ALCAM: variants seen among roughly 807,000 people sequenced by gnomAD.
ALCAM encodes activated leukocyte cell adhesion molecule, also known as CD166 antigen.
In ALCAM, 30 loss-of-function variants were observed where a neutral mutation model predicts 70.9. That is an observed-to-expected ratio of 0.42 (90% CI 0.32 to 0.57). ALCAM has a LOEUF of 0.57. ALCAM is among the 20% of genes least tolerant of loss of function. The pLI, the probability that ALCAM is intolerant of heterozygous loss-of-function variation, is 0.11. For synonymous variants in ALCAM, 249 were observed against 242.5 expected, an observed-to-expected ratio of 1.03 and a Z score of -0.25; for missense variants, 591 against 695.1, an observed-to-expected ratio of 0.85 and a Z score of 1.68.
At chr3:105,461,454 G>A (rs541829521) in intron 1 of ALCAM, among the ~76,000 whole-genome samples, 1 of 151,776 alleles carries the variant, frequency 6.6e-6, no homozygotes, top group Non-Finnish European at 1.5e-5. Context: ...AGAAATTGAA[G>A]AGTGGTCTAA....
chr3:105,376,582 C>T (rs1935384424), intron 1 of ALCAM, among the ~76,000 whole-genome samples: 1 of 152,208 alleles, frequency 6.6e-6, no homozygotes, highest in Non-Finnish European at 1.5e-5. Flanking sequence ...AAGATCCTAT[C>T]ACTCAAAGAT....
At chr3:105,486,344 T>C (rs1196407872) in intron 1 of ALCAM, among the ~76,000 whole-genome samples, 1 of 152,150 alleles carries the variant, frequency 6.6e-6, no homozygotes, top group African/African-American at 2.4e-5. Flanking sequence ...TGAGGTGTTG[T>C]AGCACTTACT....
intron 1 of ALCAM, among the ~76,000 whole-genome samples, chr3:105,504,777 G>T (rs886328392): frequency 1.3e-5 from 2 of 152,190 alleles, no homozygotes; most frequent in Admixed American, 6.5e-5. Flanking sequence ...CAACATTTGG[G>T]CAGGAAAACA....
intron 1 of ALCAM, among the ~76,000 whole-genome samples, chr3:105,411,463 G>A (rs1936389450): frequency 1.3e-5 from 2 of 152,030 alleles, no homozygotes; most frequent in African/African-American, 4.8e-5. Context: ...AGCAGCAGCT[G>A]GGATAATAGG....
chr3:105,437,308 T>C (rs1243437626), intron 1 of ALCAM, among the ~76,000 whole-genome samples: 1 of 152,238 alleles, frequency 6.6e-6, no homozygotes, highest in Non-Finnish European at 1.5e-5. Context: ...TGTAATTATA[T>C]ATTTTTAAAC....
At chr3:105,521,518 G>T (rs962460966) in intron 2 of ALCAM, among the ~76,000 whole-genome samples, 1 of 152,094 alleles carries the variant, frequency 6.6e-6, no homozygotes, top group South Asian at 2.1e-4. Context: ...TCAAGGGGTG[G>T]TTTAACACAG....
Position 105,367,495 on chromosome 3 carries a change from T to C in ALCAM, c.73+14T>C. 1 of 1,613,980 alleles carries C rather than the reference T, an allele frequency of 6.2e-7. No individual in the cohort carries two copies. The highest frequency in any genetic ancestry group is 1.3e-5 in the African/African-American group (1 of 75,046). On this transcript the variant is annotated intron_variant, in intron 1 of 15. Coordinates refer to ENST00000306107, the MANE Select transcript of ALCAM (RefSeq NM_001627.4). ...TCTTCAGGCCAGGTGAGCAAGGGCC[T>C]GGGAGCAGCCCCAGACAGACGTGGG...
chr3:105,540,038 A>G lies in ALCAM; in HGVS notation c.794A>G (p.Asn265Ser), dbSNP rs374882622. Residue 265 changes from asparagine to serine, a missense_variant, in exon 7 of 16, where the codon AAC (asparagine) becomes AGC (serine). Physicochemically the swap from Asn to Ser is conservative, Grantham distance 46. This residue lies in a region of ALCAM where 427 missense variants were observed against 450.4 expected (regional missense o/e 0.95). Transcript: ENST00000306107. ...AAAAATGCCATCAAAGAAGGGGATA[A>G]CATCACTCTTAAATGCTTAGGGAAT... is the stretch of plus-strand genomic sequence containing the variant. ...PPKNAIKEGDNITLKCLGNGN... is the reference protein window; with the variant it reads ...PPKNAIKEGDSITLKCLGNGN... 7.4e-6 allele frequency: 12 copies of G among 1,612,562 alleles called. No homozygotes were observed. The African/African-American group carries it at 1.3e-4, about 18-fold the overall frequency.
At chr3:105,407,354 T>C (rs139046417) in intron 1 of ALCAM, among the ~76,000 whole-genome samples, 1 of 151,676 alleles carries the variant, frequency 6.6e-6, no homozygotes, top group East Asian at 1.9e-4. Context: ...CAACAGCATA[T>C]CAAAAAGATA....
At chr3:105,462,514 G>A (rs1937618217) in intron 1 of ALCAM, among the ~76,000 whole-genome samples, 1 of 151,308 alleles carries the variant, frequency 6.6e-6, no homozygotes, top group African/African-American at 2.4e-5. Context: ...TGACAGTCTG[G>A]TTTACAATTG....
chr3:105,494,711 A>ATGTAACGTCACGATCATAGCCTACGAC (rs1938688306), intron 1 of ALCAM, among the ~76,000 whole-genome samples: 1 of 149,636 alleles, frequency 6.7e-6, no homozygotes, highest in Non-Finnish European at 1.5e-5. Context: ...CCAGGCTGGA[A>ATGTAACGTCACGATCATAGCCTACGAC]TGTAACGTCA....
At chr3:105,368,223 A>AAGAGAGAGAGAGAGAGAGATAGAGAG (rs1935123537) in intron 1 of ALCAM, among the ~76,000 whole-genome samples, 1 of 67,790 alleles carries the variant, frequency 1.5e-5, no homozygotes, top group Non-Finnish European at 2.8e-5. Context: ...TGAGTCTTGG[A>AAGAGAGAGAGAGAGAGAGATAGAGAG]AGAGAGAGAG....
intron 1 of ALCAM, among the ~76,000 whole-genome samples, chr3:105,368,989 C>G (rs1935155633): frequency 6.6e-6 from 1 of 152,094 alleles, no homozygotes; most frequent in Non-Finnish European, 1.5e-5. Flanking sequence ...AAGGCGAGAC[C>G]CCCTTGGGCC....
At chr3:105,568,026 CTTTTA>C (rs1045603589) in intron 14 of ALCAM, among the ~76,000 whole-genome samples, 14 of 146,066 alleles carry the variant, frequency 9.6e-5, no homozygotes, top group Non-Finnish European at 1.7e-4. Flanking sequence ...ATGTCTAGTT[CTTTTA>C]TTTTATTTTT....
intron 3 of ALCAM, 114 bp downstream of exon 3, chr3:105,524,622 T>C: frequency 6.8e-7 from 1 of 1,474,692 alleles, no homozygotes; most frequent in Admixed American, 2.5e-5. Context: ...GGTATCTATA[T>C]AAGGGGACTT....
At chr3:105,527,915 C>T (rs759172180) in intron 3 of ALCAM, among the ~76,000 whole-genome samples, 16 of 150,706 alleles carry the variant, frequency 1.1e-4, no homozygotes, top group Admixed American at 2.6e-4. Flanking sequence ...TTTTGGGGGG[C>T]ATTGAGGGGG....
chr3:105,366,919 G>A lies in ALCAM; in HGVS notation c.-490G>A, dbSNP rs1559766187. 1 of 161,374 alleles carries A rather than the reference G, an allele frequency of 6.2e-6. No homozygotes were observed. 10.0% of individuals were successfully genotyped at this position (161,374 alleles called of 1,614,324 possible). A position where few individuals can be genotyped will look rare whatever the true frequency, so the allele number is the denominator to read the frequency against. On this transcript the variant is annotated 5_prime_UTR_variant, in exon 1 of 16. Coordinates refer to ENST00000306107, the MANE Select transcript of ALCAM (RefSeq NM_001627.4). The stretch of plus-strand genomic sequence containing the variant: ...CCAGTCCCTCTACTCAGAGCAGCCC[G>A]GAGACCGCTGCCGCCGCTGCCGCTG...
At chr3:105,479,899 T>A (rs1938222966) in intron 1 of ALCAM, among the ~76,000 whole-genome samples, 1 of 152,268 alleles carries the variant, frequency 6.6e-6, no homozygotes, top group African/African-American at 2.4e-5. Context: ...GGGAATTCAA[T>A]TTATTTGTGA....
chr3:105,382,408 A>G (rs901856508), intron 1 of ALCAM, among the ~76,000 whole-genome samples: 1 of 151,986 alleles, frequency 6.6e-6, no homozygotes, highest in Non-Finnish European at 1.5e-5. Flanking sequence ...ATACATGTGC[A>G]TGTGTCTTTA....
Sources: gnomAD v4.1 joint callset for allele counts (sites outside exome capture counted in the v4.1 genomes callset) on GRCh38, gnomAD v4.1.1 for gene constraint, gnomAD v4.1.1 regional missense constraint, MANE v1.5 for transcripts, NCBI Gene and HGNC (gene_info 2026-07-23, HGNC 2026-07-21) for gene names.